Variants in RNFT2 observed in about 807,000 individuals in gnomAD.
RNFT2 encodes E3 ubiquitin-protein ligase RNFT2.
In RNFT2, 36 loss-of-function variants were observed where a neutral mutation model predicts 53.0. The ratio of observed to expected loss-of-function variants is 0.68; its 90% CI spans 0.52 to 0.90. RNFT2 has a LOEUF of 0.90. Among genes scored for constraint, RNFT2 ranks in the 40% least tolerant of loss-of-function variants. RNFT2 has a pLI of 0.00. For missense variants in RNFT2, 514 were observed against 585.6 expected, an observed-to-expected ratio of 0.88 and a Z score of 1.26; for synonymous variants, 260 against 253.2, an observed-to-expected ratio of 1.03 and a Z score of -0.26.
intron 7 of RNFT2, among the ~76,000 whole-genome samples, chr12:116,795,879 C>G (rs1286406301): frequency 1.7e-4 from 26 of 151,938 alleles, no homozygotes; most frequent in Admixed American, 1.5e-3. Context: ...TTTGAGGCTC[C>G]CAGCTTCTTC....
chr12:116,802,388 T>C lies in RNFT2; in HGVS notation c.882+23040T>C, dbSNP rs141982973. 3.7e-4 allele frequency among the ~76,000 whole-genome samples: 57 copies of C among 152,268 alleles called. No homozygotes were observed. The East Asian group carries it at 0.01, about 27-fold the overall frequency. On this transcript the variant is annotated intron_variant, in intron 7 of 10. Coordinates refer to ENST00000257575, the MANE Select transcript of RNFT2 (RefSeq NM_001382266.1). ...GCTTGTTTTTGTAAATAAAGTTCTG[T>C]TGGAAACCAGCCATGCCCATTTATG...
chr12:116,847,614 G>A (rs2137227280), intron 10 of RNFT2, among the ~76,000 whole-genome samples: 1 of 151,122 alleles, frequency 6.6e-6, no homozygotes, highest in Admixed American at 6.6e-5. Context: ...CGCAACCTCT[G>A]CCTCCAGGGT....
intron 8 of RNFT2, among the ~76,000 whole-genome samples, chr12:116,835,649 G>C (rs1337747662): frequency 2.0e-5 from 3 of 152,188 alleles, no homozygotes; most frequent in Non-Finnish European, 4.4e-5. Context: ...ATCAGGGTGG[G>C]CTGGGCTCAG....
chr12:116,792,590 G>T (rs578039431), intron 7 of RNFT2, among the ~76,000 whole-genome samples: 1 of 151,942 alleles, frequency 6.6e-6, no homozygotes, highest in Non-Finnish European at 1.5e-5. Flanking sequence ...TATTTTATTC[G>T]GTGAGATTAA....
In RNFT2 at chr12:116,767,513, G is replaced by A. The variant is rs535882519; in HGVS notation, c.728+599G>A. Among the ~76,000 whole-genome samples, 19 of 150,220 alleles carry A rather than the reference G, an allele frequency of 1.3e-4. No individual in the cohort carries two copies. In the South Asian group the frequency reaches 2.3e-3, roughly 19 times the overall value. Reference sequence around the variant, plus strand: ...GGATTGATTACAGGTGTGAGTCGCCGCACCTGGCCCCGAAAGATTGTCATT... The same window carrying A: ...GGATTGATTACAGGTGTGAGTCGCCACACCTGGCCCCGAAAGATTGTCATT... On this transcript the variant is annotated intron_variant, in intron 6 of 10. Transcript: ENST00000257575.
rs1302148218 is a variant in RNFT2, at chr12:116,850,623, T to TTTTC, written c.*1178_*1179insCTTT. 2.5e-4 allele frequency: 33 copies of TTTTC among 133,410 alleles called. 2 individuals are homozygous for TTTTC. Among genetic ancestry groups the TTTTC allele is most frequent in the Admixed American group, 3.7e-4 (5 of 13,344 alleles). 8.3% of individuals were successfully genotyped at this position (133,410 alleles called of 1,614,324 possible). ...GAAGTATTTTTTCTTTTCTTTTCTT[T>TTTTC]TTTTTTTTTTTTTTGTTGTTGTGAG... is the stretch of plus-strand genomic sequence containing the variant. On this transcript the variant is annotated 3_prime_UTR_variant, in exon 11 of 11. Coordinates refer to ENST00000257575, the MANE Select transcript of RNFT2 (RefSeq NM_001382266.1).
At chr12:116,790,730 G>A (rs1474934521) in intron 7 of RNFT2, among the ~76,000 whole-genome samples, 2 of 152,244 alleles carry the variant, frequency 1.3e-5, no homozygotes, top group East Asian at 3.8e-4. Flanking sequence ...GCCAAGTTGG[G>A]AGGATCTCTT....
At chr12:116,837,191 G>A (rs1020851676) in intron 10 of RNFT2, among the ~76,000 whole-genome samples, 89 of 152,266 alleles carry the variant, frequency 5.8e-4, no homozygotes, top group African/African-American at 2.0e-3. Context: ...GGGACTAGGT[G>A]TCAATTCAGC....
At chr12:116,750,867 A>T (rs77539387) in intron 4 of RNFT2, among the ~76,000 whole-genome samples, 1 of 104,946 alleles carries the variant, frequency 9.5e-6, no homozygotes, top group African/African-American at 4.1e-5. Context: ...TATTATATAT[A>T]TATAATATAT....
intron 7 of RNFT2, among the ~76,000 whole-genome samples, chr12:116,802,860 C>G (rs1310959202): frequency 6.6e-6 from 1 of 151,830 alleles, no homozygotes. Context: ...TTTGGGAGGC[C>G]GAGCCAGGAG....
At chr12:116,827,213 C>A (rs1481200595) in intron 7 of RNFT2, among the ~76,000 whole-genome samples, 1 of 134,974 alleles carries the variant, frequency 7.4e-6, no homozygotes, top group Non-Finnish European at 1.5e-5. Flanking sequence ...GGGTGAGACT[C>A]CATCTCAAAA....
chr12:116,849,449 G>A lies in RNFT2; in HGVS notation c.*1G>A. 2 of 1,587,278 alleles carry A rather than the reference G, an allele frequency of 1.3e-6. No homozygotes were observed. The highest frequency in any genetic ancestry group is 2.3e-5 in the East Asian group (1 of 44,076). The stretch of plus-strand genomic sequence containing the variant: ...GTCCGCACACTTCCAGGTGTACTAG[G>A]ACCGAACACTGAGGACACCCAGAAG... On this transcript the variant is annotated 3_prime_UTR_variant, in exon 11 of 11. Transcript: ENST00000257575.
chr12:116,744,117 C>T (rs748468190), intron 3 of RNFT2, among the ~76,000 whole-genome samples: 3 of 151,148 alleles, frequency 2.0e-5, no homozygotes, highest in Non-Finnish European at 4.4e-5. Flanking sequence ...TCCCAGCTAC[C>T]CAGGAGGCTG....
intron 7 of RNFT2, among the ~76,000 whole-genome samples, chr12:116,782,899 T>A (rs1046169499): frequency 6.6e-6 from 1 of 152,190 alleles, no homozygotes; most frequent in Admixed American, 6.5e-5. Context: ...TGCCCGCACC[T>A]TTGTAAATAG....
At position 116,764,333 on chromosome 12, in the gene RNFT2, C is replaced by T. The variant is rs1162073388; in HGVS notation, c.628-2481C>T. On this transcript the variant is annotated intron_variant, in intron 5 of 10. Transcript: ENST00000257575. ...TTATTCATGTAATACCACCTGTTCA[C>T]CAAAAACCTATGGAAATAATTTTTT... Among the ~76,000 whole-genome samples the T allele has an allele frequency of 2.0e-5, 3 of 152,096 alleles. No homozygotes were observed. In the East Asian group the frequency reaches 5.8e-4, roughly 29 times the overall value.
chr12:116,848,502 A>G lies in RNFT2; in HGVS notation c.1201-812A>G, dbSNP rs191813133. On this transcript the variant is annotated intron_variant, in intron 10 of 10. Coordinates refer to ENST00000257575, the MANE Select transcript of RNFT2 (RefSeq NM_001382266.1). Reference sequence around the variant, plus strand: ...AGCCAAAGACCTCACAATGGCCCACAAGTACCTACACCATATGCACCCCTC... The same window carrying G: ...AGCCAAAGACCTCACAATGGCCCACGAGTACCTACACCATATGCACCCCTC... Among the ~76,000 whole-genome samples, 552 of 152,054 alleles carry G rather than the reference A, an allele frequency of 3.6e-3. 1 individual carries two copies. The highest frequency in any genetic ancestry group is 5.2e-3 in the Admixed American group (79 of 15,264).
At chr12:116,838,600 G>A (rs915951423) in intron 10 of RNFT2, among the ~76,000 whole-genome samples, 12 of 152,138 alleles carry the variant, frequency 7.9e-5, no homozygotes, top group African/African-American at 2.4e-4. Context: ...GGTGACAAAC[G>A]GTATCTCAGT....
chr12:116,768,003 T>C (rs969044608), intron 6 of RNFT2, among the ~76,000 whole-genome samples: 3 of 152,104 alleles, frequency 2.0e-5, no homozygotes, highest in African/African-American at 7.2e-5. Flanking sequence ...ATAGTGCAGG[T>C]CTGGAATATT....
At chr12:116,841,558 G>T (rs192839394) in intron 10 of RNFT2, among the ~76,000 whole-genome samples, 184 of 150,490 alleles carry the variant, frequency 1.2e-3, no homozygotes, top group African/African-American at 4.2e-3. Context: ...GACCAGCCTG[G>T]CCAACATGGT....
Sources: gnomAD v4.1 joint callset for allele counts (sites outside exome capture counted in the v4.1 genomes callset) on GRCh38, gnomAD v4.1.1 for gene constraint, MANE v1.5 for transcripts, NCBI Gene and HGNC (gene_info 2026-07-23, HGNC 2026-07-21) for gene names.